The following MYO15A variants were observed in gnomAD, a reference collection of about 807,000 sequenced individuals.
MYO15A encodes myosin XVA, also known as unconventional myosin-XV.
In MYO15A, 308 loss-of-function variants were observed where a neutral mutation model predicts 394.6. That is an observed-to-expected ratio of 0.78 (90% CI 0.71 to 0.86). The LOEUF (loss-of-function observed/expected upper bound fraction) is 0.86, where lower values mean the gene tolerates loss of function less well. MYO15A is among the 40% of genes least tolerant of loss of function. MYO15A has a pLI of 0.00. For missense variants in MYO15A, 4,606 were observed against 4,799.1 expected (o/e 0.96, Z 1.19); for synonymous variants, 1,957 against 2,003.8 (o/e 0.98, Z 0.62).
Position 18,132,533 on chromosome 17 carries a change from G to T in MYO15A, c.4287G>T (p.Leu1429=), listed in dbSNP as rs779798693. 1 of 1,613,124 alleles carries T rather than the reference G, an allele frequency of 6.2e-7. No individual in the cohort carries two copies. Among genetic ancestry groups the T allele is most frequent in the Non-Finnish European group, 8.5e-7 (1 of 1,180,032 alleles). The change falls in exon 11 of 66, where the codon CTG becomes CTT. Residue 1429 remains leucine, a synonymous_variant. Transcript: ENST00000647165. The surrounding 1 kb of genome is among the most constrained non-coding windows in gnomAD (Gnocchi z 4.6). ...LPAQLRQAFS[L]QEAETYYYLN... is the part of the protein sequence containing the mutation. ...CCCAGCTCAGGCAGGCCTTTAGCCT[G>T]CAAGAGGCTGAGACCTACTACTATC...
At chr17:18,157,512 C>A in intron 50 of MYO15A, 1 of 1,110,884 alleles carries the variant, frequency 9.0e-7, no homozygotes, top group South Asian at 1.6e-5. Context: ...TGCCTTTTTG[C>A]TTCACTTCCC....
chr17:18,151,608 T>G, intron 40 of MYO15A, 81 bp downstream of exon 40: 1 of 1,562,590 alleles, frequency 6.4e-7, no homozygotes, highest in Non-Finnish European at 8.8e-7. Flanking sequence ...CTTACTGGGT[T>G]GAAGCGCCCT....
At chr17:18,156,407 G>A (rs1440646569) in intron 48 of MYO15A, 71 bp downstream of exon 48, 2 of 1,535,176 alleles carry the variant, frequency 1.3e-6, no homozygotes, top group African/African-American at 2.7e-5. Context: ...CCTGTTCCAG[G>A]GAAATATGAC....
intron 57 of MYO15A, 88 bp from the exon 58 acceptor site, chr17:18,162,497 C>T: frequency 1.8e-6 from 2 of 1,142,616 alleles, no homozygotes; most frequent in South Asian, 1.3e-5. Flanking sequence ...GGAGAGAATG[C>T]AGTGGGCTCA....
intron 52 of MYO15A, 115 bp from the exon 53 acceptor site, chr17:18,158,810 T>C: frequency 1.4e-6 from 2 of 1,408,538 alleles, no homozygotes; most frequent in South Asian, 1.2e-5. Context: ...TCGTGACCGG[T>C]AGACTGATCA....
At position 18,144,519 on chromosome 17, in the gene MYO15A, C is replaced by T; in HGVS notation, c.6200C>T (p.Thr2067Ile). ...HFKEPAFGMLTVPLRTPLTQL... is the reference protein window; with the variant it reads ...HFKEPAFGMLIVPLRTPLTQL... ...TAGGAACCTGCCTTTGGGATGCTGA[C>T]AGTGCCCCTGAGGACACCCCTCACG... is the stretch of plus-strand genomic sequence containing the variant. The change falls in exon 29 of 66, where the codon ACA (threonine) becomes ATA (isoleucine). Residue 2067 changes from threonine to isoleucine, a missense_variant. By Grantham distance (89) the Thr-to-Ile change is moderately conservative (BLOSUM62 -1). Coordinates refer to ENST00000647165, the MANE Select transcript of MYO15A (RefSeq NM_016239.4). The T allele has an allele frequency of 1.2e-6, 2 of 1,613,408 alleles. No homozygotes were observed. Among genetic ancestry groups the T allele is most frequent in the Non-Finnish European group, 1.7e-6 (2 of 1,180,010 alleles).
intron 22 of MYO15A, 35 bp downstream of exon 22, chr17:18,141,178 A>G: frequency 6.2e-7 from 1 of 1,611,574 alleles, no homozygotes; most frequent in Non-Finnish European, 8.5e-7. Context: ...AGCTCTACAA[A>G]TCCCTGCCCA....
intron 10 of MYO15A, 42 bp downstream of exon 10, chr17:18,131,573 G>A (rs2046166688): frequency 6.2e-7 from 1 of 1,611,052 alleles, no homozygotes; most frequent in Non-Finnish European, 8.5e-7. Flanking sequence ...GGCAGGGTCG[G>A]GGTGGGAGGT....
At position 18,124,528 on chromosome 17, in the gene MYO15A, C is replaced by T. The variant is rs1324260367; in HGVS notation, c.3655C>T (p.His1219Tyr). ...NLPSMRFREQ[H>Y]GEDGVEDMTQ... ...GCCATCCATGCGGTTCCGTGAGCAG[C>T]ACGGGGAGGATGGTGTGGAGGACAT... The change falls in exon 3 of 66, where the codon CAC (histidine) becomes TAC (tyrosine). Residue 1219 changes from histidine to tyrosine, a missense_variant. Physicochemically the swap from His to Tyr is moderately conservative, Grantham distance 83 (BLOSUM62 2). Around this residue, in one of 2 missense-constraint regions of MYO15A, gnomAD observed 2,776 missense variants for 3,109.3 expected, o/e 0.89. Coordinates refer to ENST00000647165, the MANE Select transcript of MYO15A (RefSeq NM_016239.4). 1 of 1,613,256 alleles carries T rather than the reference C, an allele frequency of 6.2e-7. No individual in the cohort carries two copies. Among genetic ancestry groups the T allele is most frequent in the South Asian group, 1.1e-5 (1 of 91,080 alleles).
chr17:18,127,160 C>T lies in MYO15A; in HGVS notation c.4027C>T (p.Gln1343Ter), dbSNP rs760591329. Residue 1343 changes from glutamine (Q) to a stop codon, truncating the protein, a stop_gained, in exon 7 of 66, where the codon CAG becomes TAG. Coordinates refer to ENST00000647165, the MANE Select transcript of MYO15A (RefSeq NM_016239.4). LOFTEE classifies it high-confidence loss of function. ...CATGAACCAGAAACGGGAGGTCATG[C>T]AGCAGGTGAGTCTACCTGTCTCCCC... Reference protein sequence around the residue: ...AAMNQKREVMQQIKILEATPL... With the variant: ...AAMNQKREVM 6 of 1,613,844 alleles carry T rather than the reference C, an allele frequency of 3.7e-6. No homozygotes were observed. In the South Asian group the frequency reaches 5.5e-5, roughly 15 times the overall value.
At chr17:18,159,028 C>T in intron 53 of MYO15A, 31 bp downstream of exon 53, 1 of 1,609,932 alleles carries the variant, frequency 6.2e-7, no homozygotes, top group Non-Finnish European at 8.5e-7. Flanking sequence ...GTTTCCCCAT[C>T]TGTAAAATGG....
In MYO15A at chr17:18,119,054, A is replaced by C. The variant is rs748660803; in HGVS notation, c.254A>C (p.Lys85Thr). The change falls in exon 2 of 66, where the codon AAG (lysine) becomes ACG (threonine). Residue 85 changes from lysine (K) to threonine (T), a missense_variant. Around this residue, in one of 2 missense-constraint regions of MYO15A, gnomAD observed 1,830 missense variants for 1,689.7 expected, o/e 1.08. Transcript: ENST00000647165. The part of the protein sequence containing the change: ...KARTVLKSTS[K>T]LMTQMRMGKK... ...CGCACCGTGCTCAAGTCCACGTCAA[A>C]GCTCATGACGCAGATGCGCATGGGC... is the stretch of plus-strand genomic sequence containing the variant. The C allele has an allele frequency of 8.1e-6, 13 of 1,612,352 alleles. No individual in the cohort carries two copies. The highest frequency in any genetic ancestry group is 1.1e-5 in the South Asian group (1 of 91,018).
Position 18,151,262 on chromosome 17 carries a change from A to C in MYO15A, c.7626A>C (p.Leu2542=). The C allele has an allele frequency of 6.2e-7, 1 of 1,614,042 alleles. No individual in the cohort carries two copies. Among genetic ancestry groups the C allele is most frequent in the East Asian group, 2.2e-5 (1 of 44,848 alleles). ...TCAAGCCTGTGGCTGCCCCTGTTCTAGCTCAGGATCAGGCTTCTCCAGAAA... is the reference window on the plus strand; with the variant it reads ...TCAAGCCTGTGGCTGCCCCTGTTCTCGCTCAGGATCAGGCTTCTCCAGAAA... The part of the protein sequence containing the change: ...LPIKPVAAPV[L]AQDQASPETT... Residue 2542 remains leucine, a synonymous_variant, in exon 39 of 66, where the codon CTA becomes CTC. Coordinates refer to ENST00000647165, the MANE Select transcript of MYO15A (RefSeq NM_016239.4).
At chr17:18,166,803 C>T (rs1200685211) in intron 61 of MYO15A, among the ~76,000 whole-genome samples, 1 of 152,226 alleles carries the variant, frequency 6.6e-6, no homozygotes, top group Non-Finnish European at 1.5e-5. Flanking sequence ...TTCCATTAGG[C>T]CTTCTTTGCA....
At chr17:18,135,378 G>A (rs1392123970) in intron 12 of MYO15A, among the ~76,000 whole-genome samples, 1 of 151,808 alleles carries the variant, frequency 6.6e-6, no homozygotes, top group African/African-American at 2.4e-5. Flanking sequence ...TTTCGCTCTT[G>A]TTGCCCAGGC....
chr17:18,147,885 C>G lies in MYO15A; in HGVS notation c.6510-144C>G. 2 of 1,031,048 alleles carry G rather than the reference C, an allele frequency of 1.9e-6. No individual in the cohort carries two copies. The highest frequency in any genetic ancestry group is 1.5e-6 in the Non-Finnish European group (1 of 678,176). 63.9% of individuals were successfully genotyped at this position (1,031,048 alleles called of 1,614,324 possible). The stretch of plus-strand genomic sequence containing the variant: ...GGGACCCTTGTGAACCAGCCTGGAG[C>G]CTTTTTAGCCTCACCTTGGAGCTCT... On this transcript the variant is annotated intron_variant, in intron 30 of 65. Coordinates refer to ENST00000647165, the MANE Select transcript of MYO15A (RefSeq NM_016239.4). The surrounding 1 kb of genome is among the most constrained non-coding windows in gnomAD (Gnocchi z 4.4).
intron 7 of MYO15A, among the ~76,000 whole-genome samples, chr17:18,130,575 G>C (rs756440861): frequency 3.9e-5 from 6 of 151,948 alleles, no homozygotes; most frequent in Non-Finnish European, 7.4e-5. Flanking sequence ...GGGAGAAGAG[G>C]ACATCCCCAG....
At chr17:18,116,253 G>A (rs1264256465) in intron 1 of MYO15A, among the ~76,000 whole-genome samples, 1 of 152,230 alleles carries the variant, frequency 6.6e-6, no homozygotes, top group African/African-American at 2.4e-5. Context: ...CTTGGTCAGG[G>A]CCCTCCCCCT....
chr17:18,148,687 A>G lies in MYO15A; in HGVS notation c.6765-74A>G, dbSNP rs1484121527. 1.3e-6 allele frequency: 2 copies of G among 1,549,506 alleles called. No homozygotes were observed. Among genetic ancestry groups the G allele is most frequent in the Non-Finnish European group, 1.7e-6 (2 of 1,146,310 alleles). On this transcript the variant is annotated intron_variant, in intron 32 of 65. Transcript: ENST00000647165. The surrounding 1 kb of genome is among the most constrained non-coding windows in gnomAD (Gnocchi z 4.8). ...TCTGTTCATGTTTAGGGTCTGGCTT[A>G]TAACCCAGGATCTCCCCAGGTAGTG...
Sources: allele counts gnomAD v4.1 joint callset (sites outside exome capture counted in the v4.1 genomes callset), GRCh38; gene constraint gnomAD v4.1.1; regional missense constraint gnomAD v4.1.1; non-coding constraint Gnocchi (gnomAD v3.1); transcripts MANE v1.5; gene names NCBI Gene and HGNC (gene_info 2026-07-23, HGNC 2026-07-21).